BAZ1A: variants seen among roughly 807,000 people sequenced by gnomAD.
BAZ1A encodes the protein bromodomain adjacent to zinc finger domain 1A.
Under a neutral mutation model 185.2 loss-of-function variants are expected in BAZ1A, and 50 were observed. The ratio of observed to expected loss-of-function variants is 0.27; its 90% CI spans 0.22 to 0.34. BAZ1A has a LOEUF of 0.34. Among genes scored for constraint, BAZ1A ranks in the 10% least tolerant of loss-of-function variants. The probability of loss-of-function intolerance (pLI) is 1.00; values close to 1 mark genes in which losing one functional copy is unlikely to be tolerated. For synonymous variants in BAZ1A, 571 were observed against 615.6 expected, an observed-to-expected ratio of 0.93 and a Z score of 1.07; for missense variants, 1,356 against 1,839.9, an observed-to-expected ratio of 0.74 and a Z score of 4.81.
chr14:34,805,917 T>C (rs547334267), intron 6 of BAZ1A, among the ~76,000 whole-genome samples: 1 of 151,806 alleles, frequency 6.6e-6, no homozygotes, highest in South Asian at 2.1e-4. Context: ...CGGAGTCTCC[T>C]GTTGCCCAGG....
chr14:34,818,700 C>T (rs892486271), intron 4 of BAZ1A, among the ~76,000 whole-genome samples: 2 of 152,098 alleles, frequency 1.3e-5, no homozygotes, highest in African/African-American at 2.4e-5. Flanking sequence ...ATGAATCTTC[C>T]ATTTGTCTTA....
chr14:34,874,848 T>C lies in BAZ1A; in HGVS notation c.-58-186A>G. 1 of 402,378 alleles carries C rather than the reference T, an allele frequency of 2.5e-6. No homozygotes were observed. Among genetic ancestry groups the C allele is most frequent in the East Asian group, 4.8e-5 (1 of 20,716 alleles). 24.9% of individuals were successfully genotyped at this position (402,378 alleles called of 1,614,324 possible). The stretch of plus-strand genomic sequence containing the variant: ...GAGCGAGCGGAGCCGCCGCCGCCCC[T>C]GCCCCCCGAGCGCGCCCTACCTCCT... On this transcript the variant is annotated intron_variant, in intron 1 of 26. Transcript: ENST00000360310. The surrounding 1 kb of genome is among the most constrained non-coding windows in gnomAD (Gnocchi z 4.7).
chr14:34,864,544 G>A (rs1566604027), intron 2 of BAZ1A, among the ~76,000 whole-genome samples: 2 of 151,920 alleles, frequency 1.3e-5, no homozygotes, highest in Non-Finnish European at 2.9e-5. Flanking sequence ...GCAGTGGTGC[G>A]ATCTCAGCTC....
rs1880401367 is a variant in BAZ1A, at chr14:34,785,799, G to C, written c.1809C>G (p.Thr603=). The C allele has an allele frequency of 6.2e-7, 1 of 1,613,876 alleles. No homozygotes were observed. The highest frequency in any genetic ancestry group is 1.3e-5 in the African/African-American group (1 of 75,014). The change falls in exon 14 of 27, where the codon ACC becomes ACG. Residue 603 remains threonine, a synonymous_variant. Transcript: ENST00000360310. ...NPSLVKKLSS[T]SVYDLTPGEK... ...TACCTGGTGTCAAATCATACACTGA[G>C]GTGCTTGACAGTTTCTTCACTAGAC...
At chr14:34,766,310 A>C (rs1438292022) in intron 21 of BAZ1A, among the ~76,000 whole-genome samples, 3 of 152,218 alleles carry the variant, frequency 2.0e-5, no homozygotes, top group Non-Finnish European at 4.4e-5. Context: ...AGAAGATAAG[A>C]AACTAGTCTA....
At chr14:34,839,670 C>T (rs2042383048) in intron 3 of BAZ1A, among the ~76,000 whole-genome samples, 3 of 151,144 alleles carry the variant, frequency 2.0e-5, no homozygotes, top group Admixed American at 6.6e-5. Flanking sequence ...GGAGAAACCC[C>T]GTCTCTACTA....
Sources: allele counts gnomAD v4.1 joint callset (sites outside exome capture counted in the v4.1 genomes callset), GRCh38; gene constraint gnomAD v4.1.1; non-coding constraint Gnocchi (gnomAD v3.1); transcripts MANE v1.5; gene names NCBI Gene and HGNC (gene_info 2026-07-23, HGNC 2026-07-21).